Variants in CDH13 observed in about 807,000 individuals in gnomAD.
The protein encoded by CDH13 is cadherin 13.
CDH13 carries 24 observed loss-of-function variants against 63.8 expected under a neutral mutation model. That is an observed-to-expected ratio of 0.38 (90% CI 0.27 to 0.53). The LOEUF (loss-of-function observed/expected upper bound fraction) is 0.53, where lower values mean the gene tolerates loss of function less well. CDH13 is among the 20% of genes least tolerant of loss of function. CDH13 has a pLI of 0.85. For synonymous variants in CDH13, 503 were observed against 355.3 expected, an observed-to-expected ratio of 1.42 and a Z score of -4.67; for missense variants, 1,049 against 903.1, an observed-to-expected ratio of 1.16 and a Z score of -2.07.
At chr16:83,119,883 C>G (rs1179001453) in intron 3 of CDH13, among the ~76,000 whole-genome samples, 1 of 152,172 alleles carries the variant, frequency 6.6e-6, no homozygotes, top group African/African-American at 2.4e-5. Context: ...CACTTGGCCA[C>G]AAACACATAC....
At chr16:82,648,098 G>A (rs1429346758) in intron 1 of CDH13, among the ~76,000 whole-genome samples, 1 of 152,162 alleles carries the variant, frequency 6.6e-6, no homozygotes, top group Non-Finnish European at 1.5e-5. Context: ...GGCCTCCTCA[G>A]CCATGTGGAA....
chr16:83,345,309 A>G (rs2151365395), intron 6 of CDH13, among the ~76,000 whole-genome samples: 1 of 152,320 alleles, frequency 6.6e-6, no homozygotes, highest in African/African-American at 2.4e-5. Flanking sequence ...TACCTTTGTG[A>G]AAGTCCAAGG....
chr16:83,511,544 C>G (rs1011669070), intron 7 of CDH13, among the ~76,000 whole-genome samples: 24 of 151,988 alleles, frequency 1.6e-4, no homozygotes, highest in African/African-American at 5.6e-4. Flanking sequence ...CTCATACATT[C>G]CCATAGAAAC....
At chr16:82,966,412 G>T (rs1252458996) in intron 2 of CDH13, among the ~76,000 whole-genome samples, 4 of 152,188 alleles carry the variant, frequency 2.6e-5, no homozygotes, top group Non-Finnish European at 4.4e-5. Context: ...CTCCCAAAGT[G>T]TTGGGATTAC....
intron 10 of CDH13, among the ~76,000 whole-genome samples, chr16:83,680,252 T>C (rs1433288570): frequency 6.6e-6 from 1 of 152,126 alleles, no homozygotes; most frequent in Non-Finnish European, 1.5e-5. Context: ...ATGGTCACAT[T>C]CCCAGGGCAG....
At chr16:83,396,749 T>A (rs1303602969) in intron 6 of CDH13, 1 of 37,532 alleles carries the variant, frequency 2.7e-5, no homozygotes, top group Non-Finnish European at 5.0e-5. Flanking sequence ...ATGAGATTCA[T>A]CACAAATGAT....
chr16:83,685,081 G>A (rs576516414), intron 10 of CDH13, among the ~76,000 whole-genome samples: 1 of 152,232 alleles, frequency 6.6e-6, no homozygotes, highest in South Asian at 2.1e-4. Flanking sequence ...GATGGGAAAT[G>A]GAGAAAGAAG....
chr16:83,531,017 A>G (rs1294123926), intron 7 of CDH13, among the ~76,000 whole-genome samples: 1 of 152,130 alleles, frequency 6.6e-6, no homozygotes, highest in African/African-American at 2.4e-5. Flanking sequence ...GAATGCTGGC[A>G]GTGTGTTTTC....
In CDH13 at chr16:83,047,079, C is replaced by A. The variant is rs1461021540; in HGVS notation, c.366+14861C>A. Among the ~76,000 whole-genome samples the A allele has an allele frequency of 1.3e-5, 2 of 152,092 alleles. No individual in the cohort carries two copies. Among genetic ancestry groups the A allele is most frequent in the African/African-American group, 2.4e-5 (1 of 41,404 alleles). ...TCATCGAGTCAGGCAAATTAGGATT[C>A]CTTTGACAGCAACTTTTTACAACTT... On this transcript the variant is annotated intron_variant, in intron 3 of 13. Transcript: ENST00000567109. The surrounding 1 kb of genome is among the most constrained non-coding windows in gnomAD (Gnocchi z 4.9).
At chr16:83,370,380 T>C (rs1028868035) in intron 6 of CDH13, among the ~76,000 whole-genome samples, 1 of 141,164 alleles carries the variant, frequency 7.1e-6, no homozygotes, top group East Asian at 2.1e-4. Context: ...ACAGCGAGAC[T>C]CCATTTCAAA....
intron 2 of CDH13, among the ~76,000 whole-genome samples, chr16:82,966,863 A>G (rs571300341): frequency 6.6e-6 from 1 of 152,322 alleles, no homozygotes; most frequent in South Asian, 2.1e-4. Context: ...TCACAGAACA[A>G]TGATCAAATC....
At chr16:82,822,037 T>C (rs2038028191) in intron 1 of CDH13, among the ~76,000 whole-genome samples, 1 of 152,192 alleles carries the variant, frequency 6.6e-6, no homozygotes, top group East Asian at 1.9e-4. Context: ...TATTGAGTTC[T>C]TACTACAGGA....
At chr16:83,646,905 A>C (rs1911875247) in intron 8 of CDH13, among the ~76,000 whole-genome samples, 1 of 151,952 alleles carries the variant, frequency 6.6e-6, no homozygotes, top group African/African-American at 2.4e-5. Context: ...CCTGCTAATG[A>C]GGCCTGGAAC....
At chr16:83,713,436 G>A (rs1167411051) in intron 10 of CDH13, among the ~76,000 whole-genome samples, 3 of 151,964 alleles carry the variant, frequency 2.0e-5, no homozygotes, top group South Asian at 4.2e-4. Context: ...AGTTGGGGAG[G>A]GAGGGAGATT....
At chr16:83,237,969 G>A (rs570024586) in intron 5 of CDH13, among the ~76,000 whole-genome samples, 2 of 152,296 alleles carry the variant, frequency 1.3e-5, no homozygotes, top group Non-Finnish European at 2.9e-5. Flanking sequence ...ATAGCCAGAA[G>A]GCAGAGGGCT....
chr16:83,143,122 T>G (rs2036606565), intron 4 of CDH13, among the ~76,000 whole-genome samples: 1 of 152,104 alleles, frequency 6.6e-6, no homozygotes, highest in South Asian at 2.1e-4. Flanking sequence ...AAAAAAGAGT[T>G]AAGGGCAGGC....
chr16:82,754,095 C>A (rs1352981368), intron 1 of CDH13, among the ~76,000 whole-genome samples: 1 of 152,220 alleles, frequency 6.6e-6, no homozygotes, highest in African/African-American at 2.4e-5. Context: ...ACAGCACAGT[C>A]TGTTGCCATG....
chr16:83,211,678 A>G (rs980643440), intron 4 of CDH13, among the ~76,000 whole-genome samples: 4 of 152,120 alleles, frequency 2.6e-5, no homozygotes, highest in Non-Finnish European at 5.9e-5. Flanking sequence ...TCAAGGAGTC[A>G]CTACCTGCTC....
chr16:82,696,865 T>G (rs2030361470), intron 1 of CDH13, among the ~76,000 whole-genome samples: 1 of 152,236 alleles, frequency 6.6e-6, no homozygotes, highest in Non-Finnish European at 1.5e-5. Flanking sequence ...AGGAGTCATC[T>G]GCAGGCTTGA....
Sources: allele counts gnomAD v4.1 joint callset (sites outside exome capture counted in the v4.1 genomes callset), GRCh38; gene constraint gnomAD v4.1.1; non-coding constraint Gnocchi (gnomAD v3.1); transcripts MANE v1.5; gene names NCBI Gene and HGNC (gene_info 2026-07-23, HGNC 2026-07-21).